TJP1: variants seen among roughly 807,000 people sequenced by gnomAD.
The protein encoded by TJP1 is tight junction protein ZO-1.
A neutral mutation model predicts 194.2 loss-of-function variants in TJP1; 43 were observed. The ratio of observed to expected loss-of-function variants is 0.22; its 90% CI spans 0.17 to 0.29. TJP1 has a LOEUF of 0.29. Among genes scored for constraint, TJP1 ranks in the 10% least tolerant of loss-of-function variants. The pLI is 1.00. For missense variants in TJP1, 1,971 were observed against 2,185.7 expected, an observed-to-expected ratio of 0.90 and a Z score of 1.96; for synonymous variants, 801 against 779.0, an observed-to-expected ratio of 1.03 and a Z score of -0.47.
At chr15:29,799,244 A>G (rs1489986116) in intron 2 of TJP1, among the ~76,000 whole-genome samples, 2 of 152,298 alleles carry the variant, frequency 1.3e-5, no homozygotes, top group South Asian at 2.1e-4. Context: ...AAGTTATTTT[A>G]TATGTTTAAT....
intron 25 of TJP1, among the ~76,000 whole-genome samples, chr15:29,707,962 T>C (rs1162522674): frequency 6.6e-6 from 1 of 151,252 alleles, no homozygotes; most frequent in Non-Finnish European, 1.5e-5. Flanking sequence ...CTTTGGGAGG[T>C]GGAGGCGGAT....
At chr15:29,771,633 G>C (rs899023106) in intron 4 of TJP1, among the ~76,000 whole-genome samples, 1 of 151,618 alleles carries the variant, frequency 6.6e-6, no homozygotes, top group African/African-American at 2.4e-5. Flanking sequence ...GTGAAACCCT[G>C]TCTCTACTAA....
intron 2 of TJP1, among the ~76,000 whole-genome samples, chr15:29,890,630 T>C (rs1008973638): frequency 3.3e-5 from 5 of 152,168 alleles, no homozygotes; most frequent in Non-Finnish European, 7.3e-5. Flanking sequence ...GACAGACTGT[T>C]AGATGAATGT....
chr15:29,735,159 G>A (rs574506007), intron 11 of TJP1, among the ~76,000 whole-genome samples: 20 of 151,686 alleles, frequency 1.3e-4, no homozygotes, highest in African/African-American at 4.6e-4. Context: ...ACTGTGTGCA[G>A]GATTACAGGC....
chr15:29,745,672 G>GAAAT (rs1231279225), intron 8 of TJP1, among the ~76,000 whole-genome samples: 1 of 152,162 alleles, frequency 6.6e-6, no homozygotes, highest in Admixed American at 6.5e-5. Flanking sequence ...AAGGACTTTA[G>GAAAT]AAATAAAATG....
chr15:29,749,874 GCT>G (rs1301928548), intron 8 of TJP1, among the ~76,000 whole-genome samples: 3 of 152,118 alleles, frequency 2.0e-5, no homozygotes, highest in Admixed American at 1.3e-4. Context: ...ACGGAGTCAC[GCT>G]CTGTCACCCA....
chr15:29,962,818 T>C (rs1225574162), intron 1 of TJP1, among the ~76,000 whole-genome samples: 1 of 152,198 alleles, frequency 6.6e-6, no homozygotes, highest in South Asian at 2.1e-4. Flanking sequence ...AAAAATAATG[T>C]GCACAACTGC....
chr15:29,704,109 T>G (rs1304248484), intron 27 of TJP1, 53 bp downstream of exon 27: 2 of 1,528,096 alleles, frequency 1.3e-6, no homozygotes, highest in Non-Finnish European at 1.8e-6. Flanking sequence ...AGCCCAGGTA[T>G]TAATCAACGA....
chr15:29,938,556 ATAAAACAG>A (rs2054958966), intron 2 of TJP1, among the ~76,000 whole-genome samples: 2 of 152,336 alleles, frequency 1.3e-5, no homozygotes, highest in Non-Finnish European at 1.5e-5. Context: ...GGAAGTCCTT[ATAAAACAG>A]AGCACTATGT....
At chr15:29,745,670 T>C (rs974239790) in intron 8 of TJP1, among the ~76,000 whole-genome samples, 1 of 152,176 alleles carries the variant, frequency 6.6e-6, no homozygotes, top group Non-Finnish European at 1.5e-5. Flanking sequence ...TTAAGGACTT[T>C]AGAAATAAAA....
In TJP1 at chr15:29,717,960, T is replaced by A. The variant is rs2042668470; in HGVS notation, c.3974+61A>T. 2.8e-6 allele frequency: 4 copies of A among 1,414,172 alleles called. No homozygotes were observed. The South Asian group carries it at 5.0e-5, about 18-fold the overall frequency. 87.6% of individuals were successfully genotyped at this position (1,414,172 alleles called of 1,614,324 possible). Reference sequence around the variant, plus strand: ...CTAACACAGTAAAAGGTTTTCTTATTGACTAAGAGGGTTAAATTCCTGGTC... The same window carrying A: ...CTAACACAGTAAAAGGTTTTCTTATAGACTAAGAGGGTTAAATTCCTGGTC... On this transcript the variant is annotated intron_variant, in intron 22 of 27. Coordinates refer to ENST00000614355, the MANE Select transcript of TJP1 (RefSeq NM_001330239.4).
chr15:29,820,873 A>G (rs187778607), intron 1 of TJP1, among the ~76,000 whole-genome samples: 1 of 152,218 alleles, frequency 6.6e-6, no homozygotes, highest in African/African-American at 2.4e-5. Flanking sequence ...TTCATTAATA[A>G]GTGTAACCGC....
chr15:29,774,034 T>TA (rs1449015891), intron 2 of TJP1, among the ~76,000 whole-genome samples: 2 of 152,312 alleles, frequency 1.3e-5, no homozygotes, highest in East Asian at 3.9e-4. Context: ...TCCAGGTTGT[T>TA]AAAAAATTAC....
At position 29,869,684 on chromosome 15, in the gene TJP1, C is replaced by T. The variant is rs1260417380; in HGVS notation, c.307-68982G>A. Among the ~76,000 whole-genome samples, 3 of 151,980 alleles carry T rather than the reference C, an allele frequency of 2.0e-5. No individual in the cohort carries two copies. The East Asian group carries it at 5.8e-4, about 29-fold the overall frequency. ...AAATCAGACAGGCACCTTACAGACA[C>T]CGCATCACCCGCTGCCCTGTTCCAC... On this transcript the variant is annotated intron_variant, in intron 2 of 28. Transcript: ENST00000356107.
In TJP1 at chr15:29,750,009, A is replaced by ATT. The variant is rs34349418; in HGVS notation, c.1011-7230_1011-7229dup. The stretch of plus-strand genomic sequence containing the variant: ...AGGAGCATGCCACTGTGTCCGGCTA[A>ATT]TTTTTTTTTTTTTTTGAGACTGAGT... On this transcript the variant is annotated intron_variant, in intron 8 of 27. Coordinates refer to ENST00000614355, the MANE Select transcript of TJP1 (RefSeq NM_001330239.4). Among the ~76,000 whole-genome samples the ATT allele has an allele frequency of 1.1e-3, 154 of 136,608 alleles. 1 individual carries two copies. Among genetic ancestry groups the ATT allele is most frequent in the Non-Finnish European group, 1.9e-3 (118 of 63,064 alleles). The allele number at this position is 136,608 out of a possible 152,430, so 89.6% of individuals were successfully genotyped here. A position where few individuals can be genotyped will look rare whatever the true frequency, so the allele number is the denominator to read the frequency against.
chr15:29,789,485 A>G (rs1052149308), intron 2 of TJP1, among the ~76,000 whole-genome samples: 4 of 152,208 alleles, frequency 2.6e-5, no homozygotes, highest in Non-Finnish European at 5.9e-5. Context: ...AGAGTACAAC[A>G]GTGCTTGGCA....
At chr15:29,764,841 G>A (rs1237628852) in intron 5 of TJP1, among the ~76,000 whole-genome samples, 1 of 152,208 alleles carries the variant, frequency 6.6e-6, no homozygotes, top group African/African-American at 2.4e-5. Context: ...GAACACAAGA[G>A]TGTAAAGATT....
At chr15:29,791,615 G>A (rs181733062) in intron 2 of TJP1, among the ~76,000 whole-genome samples, 7 of 147,364 alleles carry the variant, frequency 4.8e-5, no homozygotes, top group African/African-American at 7.5e-5. Context: ...GGATGGTCTC[G>A]ATGTCCTGAC....
chr15:29,756,436 T>G (rs117848517), intron 8 of TJP1, among the ~76,000 whole-genome samples: 2,454 of 152,328 alleles, frequency 0.016, 45 homozygotes, highest in Non-Finnish European at 0.025. Flanking sequence ...CTTGGCCATA[T>G]AGTCTCTCTT....
Sources: gnomAD v4.1 joint callset for allele counts (sites outside exome capture counted in the v4.1 genomes callset) on GRCh38, gnomAD v4.1.1 for gene constraint, MANE v1.5 for transcripts, NCBI Gene and HGNC (gene_info 2026-07-23, HGNC 2026-07-21) for gene names.